AOAH: variants seen among roughly 807,000 people sequenced by gnomAD.
AOAH encodes the protein acyloxyacyl hydrolase, also known as acyloxyacyl hydrolase (neutrophil).
In AOAH, 64 loss-of-function variants were observed where a neutral mutation model predicts 92.2. That is an observed-to-expected ratio of 0.69 (90% CI 0.57 to 0.86). The LOEUF (loss-of-function observed/expected upper bound fraction) is 0.86, where lower values mean the gene tolerates loss of function less well. Ranked by LOEUF, AOAH falls within the 40% of genes least tolerant of loss-of-function variation. The pLI is 0.00. For missense variants in AOAH, 656 were observed against 694.6 expected (o/e 0.94, Z 0.62); for synonymous variants, 263 against 254.5 (o/e 1.03, Z -0.32).
intron 1 of AOAH, among the ~76,000 whole-genome samples, chr7:36,697,397 G>A (rs1194198952): frequency 6.6e-6 from 1 of 152,070 alleles, no homozygotes; most frequent in African/African-American, 2.4e-5. Context: ...ACTCTACTTG[G>A]TCATGGTATA....
intron 13 of AOAH, chr7:36,550,361 A>C (rs1786141461): frequency 1.3e-5 from 2 of 152,136 alleles, no homozygotes; most frequent in Admixed American, 1.3e-4. Context: ...TGTCTCAAAA[A>C]AAAAAAAAAG....
intron 15 of AOAH, among the ~76,000 whole-genome samples, chr7:36,541,465 A>T (rs940869505): frequency 6.6e-6 from 1 of 152,218 alleles, no homozygotes; most frequent in African/African-American, 2.4e-5. Context: ...CATTTATTGA[A>T]TTTAAGCTGA....
At chr7:36,662,354 C>A (rs547013514) in intron 3 of AOAH, among the ~76,000 whole-genome samples, 3 of 152,298 alleles carry the variant, frequency 2.0e-5, no homozygotes, top group African/African-American at 7.2e-5. Context: ...CCTGCTTAGC[C>A]CCAGGTCCCT....
intron 1 of AOAH, among the ~76,000 whole-genome samples, chr7:36,715,164 A>C (rs145331215): frequency 0.56 from 85,413 of 151,830 alleles, 24,299 homozygotes; most frequent in East Asian, 0.83. Flanking sequence ...AAAAATCACA[A>C]GCATTCTTAT....
chr7:36,637,828 CG>C, intron 5 of AOAH, 22 bp downstream of exon 5: 1 of 1,611,194 alleles, frequency 6.2e-7, no homozygotes, highest in Non-Finnish European at 8.5e-7. Flanking sequence ...AAAAGGCTGG[CG>C]TTCTACGTGC....
At chr7:36,655,972 T>G (rs1211749108) in intron 4 of AOAH, among the ~76,000 whole-genome samples, 40 of 152,082 alleles carry the variant, frequency 2.6e-4, no homozygotes, top group Non-Finnish European at 2.9e-5. Flanking sequence ...AAGTGACATG[T>G]AAGCTGAGCC....
In AOAH at chr7:36,714,561, C is replaced by G. The variant is rs7803793; in HGVS notation, c.127+9461G>C. Among the ~76,000 whole-genome samples the G allele has an allele frequency of 2.0e-5, 3 of 152,008 alleles. 1 individual carries two copies. In the Middle Eastern group the frequency reaches 0.01, roughly 517 times the overall value. ...TTAGACCAATATCCCTGATGAACAT[C>G]GATGCAAAAATCCTCAATAAAATAC... On this transcript the variant is annotated intron_variant, in intron 1 of 20. Coordinates refer to ENST00000617537, the MANE Select transcript of AOAH (RefSeq NM_001637.4).
chr7:36,659,342 G>T, intron 3 of AOAH, 77 bp from the exon 4 acceptor site: 3 of 1,226,308 alleles, frequency 2.4e-6, no homozygotes, highest in Non-Finnish European at 3.6e-6. Flanking sequence ...GCAAAGAAAG[G>T]TAAATCCCCA....
At chr7:36,560,514 C>A (rs1787185373) in intron 13 of AOAH, among the ~76,000 whole-genome samples, 1 of 152,074 alleles carries the variant, frequency 6.6e-6, no homozygotes, top group African/African-American at 2.4e-5. Flanking sequence ...GGATTATGTT[C>A]CTGATTTGGC....
intron 12 of AOAH, among the ~76,000 whole-genome samples, chr7:36,583,111 T>A (rs1208044392): frequency 6.6e-6 from 1 of 152,162 alleles, no homozygotes; most frequent in Non-Finnish European, 1.5e-5. Context: ...TTTCTGACTC[T>A]GTCCAGAGGC....
At chr7:36,596,573 G>C (rs1201335106) in intron 11 of AOAH, among the ~76,000 whole-genome samples, 1 of 152,144 alleles carries the variant, frequency 6.6e-6, no homozygotes, top group African/African-American at 2.4e-5. Flanking sequence ...AAGACACAGG[G>C]GGAAGGCCGT....
Position 36,717,952 on chromosome 7 carries a change from A to G in AOAH, c.127+6070T>C, listed in dbSNP as rs150859441. Among the ~76,000 whole-genome samples the G allele has an allele frequency of 2.2e-3, 332 of 152,226 alleles. 3 individuals are homozygous for G. The highest frequency in any genetic ancestry group is 7.7e-3 in the African/African-American group (322 of 41,556). ...TACAAGAGACAAAAGAAAAAAATAG[A>G]TACACTGGACTCCATCAAAATTACT... On this transcript the variant is annotated intron_variant, in intron 1 of 20. Coordinates refer to ENST00000617537, the MANE Select transcript of AOAH (RefSeq NM_001637.4).
chr7:36,582,811 G>A (rs12670273), intron 12 of AOAH, among the ~76,000 whole-genome samples: 53,985 of 151,734 alleles, frequency 0.36, 10,029 homozygotes, highest in Middle Eastern at 0.43. Flanking sequence ...TCAAGCAAGA[G>A]TGATGTAGCA....
chr7:36,699,679 T>C (rs1174978278), intron 1 of AOAH, among the ~76,000 whole-genome samples: 1 of 151,810 alleles, frequency 6.6e-6, no homozygotes, highest in Non-Finnish European at 1.5e-5. Flanking sequence ...GAGCTTCTTA[T>C]ATATTCTTGT....
Position 36,587,607 on chromosome 7 carries a change from G to A in AOAH, c.938+6732C>T, listed in dbSNP as rs75700050. On this transcript the variant is annotated intron_variant, in intron 12 of 20. Transcript: ENST00000617537. Reference sequence around the variant, plus strand: ...CCTGAGTTATGAAGATATTCCAAATGTTGATACATTTAATGCTATAATATA... The same window carrying A: ...CCTGAGTTATGAAGATATTCCAAATATTGATACATTTAATGCTATAATATA... Among the ~76,000 whole-genome samples, 185 of 152,164 alleles carry A rather than the reference G, an allele frequency of 1.2e-3. 1 individual carries two copies. Among genetic ancestry groups the A allele is most frequent in the African/African-American group, 4.2e-3 (175 of 41,518 alleles).
rs1040721140 is a variant in AOAH, at chr7:36,516,644, T to C, written c.1600-3264A>G. Among the ~76,000 whole-genome samples the C allele has an allele frequency of 2.6e-5, 4 of 152,216 alleles. No homozygotes were observed. The highest frequency in any genetic ancestry group is 7.2e-5 in the African/African-American group (3 of 41,442). ...GACCTTTGAAGACAGAGGCCCGGGC[T>C]TGTGGCTGTTTTCCTGCCATTTCTC... On this transcript the variant is annotated intron_variant, in intron 20 of 20. Transcript: ENST00000617537. The surrounding 1 kb of genome is among the most constrained non-coding windows in gnomAD (Gnocchi z 5.0).
chr7:36,687,543 T>TC (rs1201335096), intron 1 of AOAH, among the ~76,000 whole-genome samples: 2 of 151,916 alleles, frequency 1.3e-5, no homozygotes, highest in East Asian at 3.9e-4. Context: ...AAACCTTTTT[T>TC]TTTTTTTCCA....
chr7:36,694,087 G>A lies in AOAH; in HGVS notation c.128-7293C>T, dbSNP rs1051322239. On this transcript the variant is annotated intron_variant, in intron 1 of 20. Coordinates refer to ENST00000617537, the MANE Select transcript of AOAH (RefSeq NM_001637.4). Reference sequence around the variant, plus strand: ...GGAAGCAAAGAACTAGATACTACCTGACTTATAAAAATACGTTAAATCAAT... The same window carrying A: ...GGAAGCAAAGAACTAGATACTACCTAACTTATAAAAATACGTTAAATCAAT... Among the ~76,000 whole-genome samples, 16 of 152,220 alleles carry A rather than the reference G, an allele frequency of 1.1e-4. No individual in the cohort carries two copies. The East Asian group carries it at 2.3e-3, about 22-fold the overall frequency.
chr7:36,525,213 A>G (rs1239586888), intron 19 of AOAH, among the ~76,000 whole-genome samples: 1 of 152,240 alleles, frequency 6.6e-6, no homozygotes, highest in East Asian at 1.9e-4. Context: ...ATCAAAGCCC[A>G]TGCCTGAGAT....
Sources: gnomAD v4.1 joint callset for allele counts (sites outside exome capture counted in the v4.1 genomes callset) on GRCh38, gnomAD v4.1.1 for gene constraint, Gnocchi (gnomAD v3.1) non-coding constraint, MANE v1.5 for transcripts, NCBI Gene and HGNC (gene_info 2026-07-23, HGNC 2026-07-21) for gene names.